ZFPM2: variants seen among roughly 807,000 people sequenced by gnomAD.
The protein encoded by ZFPM2 is zinc finger protein, FOG family member 2, also known as zinc finger protein ZFPM2.
ZFPM2 carries 20 observed loss-of-function variants against 98.6 expected under a neutral mutation model. The observed-to-expected ratio is 0.20, with a 90% CI of 0.14 to 0.29. ZFPM2 has a LOEUF of 0.29. ZFPM2 is among the 10% of genes least tolerant of loss of function. ZFPM2 has a pLI of 1.00. For missense variants in ZFPM2, 1,310 were observed against 1,388.6 expected (o/e 0.94, Z 0.90); for synonymous variants, 518 against 502.7 (o/e 1.03, Z -0.41).
At chr8:105,583,952 C>A (rs927621927) in intron 4 of ZFPM2, among the ~76,000 whole-genome samples, 5 of 152,118 alleles carry the variant, frequency 3.3e-5, no homozygotes, top group African/African-American at 1.2e-4. Context: ...TTTGCTATGC[C>A]TAGAATGTTC....
At chr8:105,590,614 C>CT (rs1393311907) in intron 4 of ZFPM2, among the ~76,000 whole-genome samples, 1 of 152,188 alleles carries the variant, frequency 6.6e-6, no homozygotes, top group Non-Finnish European at 1.5e-5. Flanking sequence ...TTGTCCAAAA[C>CT]TTTAAGAGTG....
intron 5 of ZFPM2, among the ~76,000 whole-genome samples, chr8:105,675,060 GCAGGTA>G (rs1810412440): frequency 6.6e-6 from 1 of 152,076 alleles, no homozygotes; most frequent in South Asian, 2.1e-4. Context: ...GTGAGGTCAG[GCAGGTA>G]ACTCATGGGG....
intron 1 of ZFPM2, among the ~76,000 whole-genome samples, chr8:105,388,188 CAT>C (rs144991126): frequency 1.3e-5 from 2 of 152,242 alleles, no homozygotes; most frequent in East Asian, 3.9e-4. Context: ...TATGCAAACA[CAT>C]GTGCATATGA....
chr8:105,440,167 A>G (rs1033324707), intron 2 of ZFPM2, among the ~76,000 whole-genome samples: 7 of 152,174 alleles, frequency 4.6e-5, no homozygotes, highest in East Asian at 3.9e-4. Context: ...TACCCTTTCT[A>G]ATACAAAGCA....
At chr8:105,319,861 C>T (rs1358673694) in intron 1 of ZFPM2, 1 of 152,224 alleles carries the variant, frequency 6.6e-6, no homozygotes, top group Non-Finnish European at 1.5e-5. Context: ...GAGACACCTT[C>T]CGAAACAGGC....
At chr8:105,560,093 G>A (rs1280818310) in intron 3 of ZFPM2, among the ~76,000 whole-genome samples, 1 of 150,638 alleles carries the variant, frequency 6.6e-6, no homozygotes, top group Non-Finnish European at 1.5e-5. Flanking sequence ...TGTAATCTCA[G>A]CTATCTGGGA....
chr8:105,667,855 A>C (rs1817518910), intron 5 of ZFPM2, among the ~76,000 whole-genome samples: 1 of 152,162 alleles, frequency 6.6e-6, no homozygotes, highest in Non-Finnish European at 1.5e-5. Flanking sequence ...GTTATTTTTA[A>C]ATGGATAAAT....
chr8:105,730,845 G>A (rs535750199), intron 5 of ZFPM2, among the ~76,000 whole-genome samples: 12 of 145,950 alleles, frequency 8.2e-5, no homozygotes, highest in South Asian at 4.3e-4. Flanking sequence ...ATTAGAAAGC[G>A]TTTGGAACTG....
Position 105,596,303 on chromosome 8 carries a change from TAA to T in ZFPM2, c.420+34825_420+34826del, listed in dbSNP as rs1231878241. Among the ~76,000 whole-genome samples, 7 of 151,654 alleles carry T rather than the reference TAA, an allele frequency of 4.6e-5. No homozygotes were observed. In the South Asian group the frequency reaches 1.5e-3, roughly 32 times the overall value. Reference sequence around the variant, plus strand: ...AAAGAGTAAACAATCAGAGGAAGAGTAAAAGAGTTTTCTTTCATTTTCTTTTT... The same window carrying T: ...AAAGAGTAAACAATCAGAGGAAGAGTAAGAGTTTTCTTTCATTTTCTTTTT... On this transcript the variant is annotated intron_variant, in intron 4 of 7. Transcript: ENST00000407775.
intron 5 of ZFPM2, among the ~76,000 whole-genome samples, chr8:105,777,585 C>T (rs1212750417): frequency 6.6e-6 from 1 of 152,140 alleles, no homozygotes; most frequent in Non-Finnish European, 1.5e-5. Context: ...CCCAAATGCC[C>T]TGCATTGCCT....
At chr8:105,615,913 G>A (rs542228266) in intron 4 of ZFPM2, among the ~76,000 whole-genome samples, 3 of 152,132 alleles carry the variant, frequency 2.0e-5, no homozygotes, top group Non-Finnish European at 2.9e-5. Flanking sequence ...TAAGGAAAAC[G>A]GCATGGTGTT....
chr8:105,579,576 CATCCACT>C (rs1446365128), intron 4 of ZFPM2, among the ~76,000 whole-genome samples: 1 of 152,092 alleles, frequency 6.6e-6, no homozygotes, highest in African/African-American at 2.4e-5. Flanking sequence ...TTTAGTCAAT[CATCCACT>C]ATCAGGTACC....
intron 3 of ZFPM2, among the ~76,000 whole-genome samples, chr8:105,523,521 C>T (rs534468541): frequency 2.0e-5 from 3 of 152,302 alleles, no homozygotes; most frequent in African/African-American, 7.2e-5. Flanking sequence ...AGTGGCCCAA[C>T]CAGGAATATA....
intron 1 of ZFPM2, among the ~76,000 whole-genome samples, chr8:105,327,390 T>TAAATTCTGTA (rs1812134596): frequency 2.6e-5 from 4 of 151,726 alleles, no homozygotes; most frequent in Non-Finnish European, 5.9e-5. Context: ...AATTTCTGTA[T>TAAATTCTGTA]TAATTACTCC....
intron 3 of ZFPM2, among the ~76,000 whole-genome samples, chr8:105,558,109 T>A (rs1320876316): frequency 2.0e-5 from 3 of 152,140 alleles, no homozygotes; most frequent in African/African-American, 7.2e-5. Flanking sequence ...CTCTATTTCA[T>A]AACACCTATT....
At chr8:105,417,759 A>C (rs1012041552) in intron 1 of ZFPM2, among the ~76,000 whole-genome samples, 1 of 152,198 alleles carries the variant, frequency 6.6e-6, no homozygotes, top group Non-Finnish European at 1.5e-5. Flanking sequence ...TGCAAAAACA[A>C]AATCCATGGT....
chr8:105,319,055 TG>T, intron 1 of ZFPM2, 74 bp downstream of exon 1: 3 of 1,435,592 alleles, frequency 2.1e-6, no homozygotes, highest in East Asian at 3.0e-5. Context: ...GGGAAAGCGG[TG>T]GGTGGGTGGC....
chr8:105,341,366 A>G (rs1251744300), intron 1 of ZFPM2, among the ~76,000 whole-genome samples: 6 of 151,904 alleles, frequency 3.9e-5, no homozygotes, highest in Non-Finnish European at 8.8e-5. Flanking sequence ...TATGGGAGTG[A>G]ATTTCTATCA....
rs1586300984 is a variant in ZFPM2 at position 105,338,251 on chromosome 8, GA to G, written c.40+19275del. On this transcript the variant is annotated intron_variant, in intron 1 of 7. Coordinates refer to ENST00000407775, the MANE Select transcript of ZFPM2 (RefSeq NM_012082.4). ...TTATGACCTCTTCCTTCCAAATAGG[GA>G]AAAACTACATAATGATATGCTTTGT... Among the ~76,000 whole-genome samples the G allele has an allele frequency of 2.6e-5, 4 of 151,656 alleles. No individual in the cohort carries two copies. The East Asian group carries it at 7.8e-4, about 29-fold the overall frequency.
Sources: allele counts gnomAD v4.1 joint callset (sites outside exome capture counted in the v4.1 genomes callset), GRCh38; gene constraint gnomAD v4.1.1; transcripts MANE v1.5; gene names NCBI Gene and HGNC (gene_info 2026-07-23, HGNC 2026-07-21).